The following KRT34 variants were observed in gnomAD, a reference collection of about 807,000 sequenced individuals.
The protein encoded by KRT34 is keratin 34.
KRT34 carries 31 observed loss-of-function variants against 41.7 expected under a neutral mutation model. The observed-to-expected ratio is 0.74, with a 90% CI of 0.56 to 1.00. The LOEUF (loss-of-function observed/expected upper bound fraction) is 1.00. KRT34 is among the 50% of genes least tolerant of loss of function. The pLI is 0.00. For missense variants in KRT34, 523 were observed against 500.3 expected (o/e 1.05, Z -0.43); for synonymous variants, 224 against 212.9 (o/e 1.05, Z -0.45).
In KRT34 at chr17:41,381,712, C is replaced by T. The variant is rs1442024945; in HGVS notation, c.431+1G>A. 1.2e-6 allele frequency: 2 copies of T among 1,613,926 alleles called. No homozygotes were observed. The highest frequency in any genetic ancestry group is 1.3e-5 in the African/African-American group (1 of 74,946). On this transcript the variant is annotated splice_donor_variant, in intron 2 of 6. Coordinates refer to ENST00000394001, the MANE Select transcript of KRT34 (RefSeq NM_001386014.1). LOFTEE classifies it high-confidence loss of function. Reference sequence around the variant, plus strand: ...CATAGGGACCTTGAAGTTCAACATACTTGCTTCTGAAGTCGTCAGAGGCCA... The same window carrying T: ...CATAGGGACCTTGAAGTTCAACATATTTGCTTCTGAAGTCGTCAGAGGCCA...
upstream of KRT34, among the ~76,000 whole-genome samples, chr17:41,383,805 C>T (rs545184472): frequency 2.0e-5 from 3 of 152,352 alleles, no homozygotes; most frequent in Non-Finnish European, 4.4e-5. Context: ...TGCAGATTTA[C>T]TCTGTTGTCC....
chr17:41,380,051 G>T (rs1025861114), intron 3 of KRT34, among the ~76,000 whole-genome samples: 4 of 152,188 alleles, frequency 2.6e-5, no homozygotes, highest in African/African-American at 9.6e-5. Context: ...ACGAAGTCAG[G>T]AGATCGAAAC....
In KRT34 at chr17:41,378,149, A is replaced by T. The variant is rs2017880809; in HGVS notation, c.1098-3T>A. On this transcript the variant is annotated splice_region_variant and splice_polypyrimidine_tract_variant and intron_variant, in intron 6 of 6. Coordinates refer to ENST00000394001, the MANE Select transcript of KRT34 (RefSeq NM_001386014.1). ...TGGCGCATGGGTTGCAGGGGAGCCTAGGAGGACAAGGAGGTTTAGAATGGC... is the reference window on the plus strand; with the variant it reads ...TGGCGCATGGGTTGCAGGGGAGCCTTGGAGGACAAGGAGGTTTAGAATGGC... 1 of 1,606,930 alleles carries T rather than the reference A, an allele frequency of 6.2e-7. No individual in the cohort carries two copies. Among genetic ancestry groups the T allele is most frequent in the South Asian group, 1.1e-5 (1 of 90,782 alleles).
At chr17:41,380,919 A>G (rs776307562) in intron 3 of KRT34, 137 bp downstream of exon 3, 204 of 843,308 alleles carry the variant, frequency 2.4e-4, no homozygotes, top group Non-Finnish European at 3.7e-4. Flanking sequence ...ATATGGATGT[A>G]GCACCGTCAC....
intron 5 of KRT34, 21 bp from the exon 6 acceptor site, chr17:41,379,197 A>G: frequency 6.2e-7 from 1 of 1,613,866 alleles, no homozygotes; most frequent in Non-Finnish European, 8.5e-7. Flanking sequence ...GAAGATCAGG[A>G]ATGTCAGAGA....
At chr17:41,378,906 A>G (rs2017905403) in intron 6 of KRT34, 50 bp downstream of exon 6, 3 of 1,608,592 alleles carry the variant, frequency 1.9e-6, no homozygotes, top group Non-Finnish European at 2.6e-6. Flanking sequence ...GTGTGCCTAC[A>G]ATATCCCACT....
At position 41,379,588 on chromosome 17, in the gene KRT34, C is replaced by T. The variant is rs2017933108; in HGVS notation, c.732G>A (p.Glu244=). 1.2e-6 allele frequency: 2 copies of T among 1,614,020 alleles called. No homozygotes were observed. Among genetic ancestry groups the T allele is most frequent in the Non-Finnish European group, 1.7e-6 (2 of 1,179,912 alleles). The change falls in exon 4 of 7, where the codon GAG becomes GAA. Residue 244 remains glutamate, a synonymous_variant. Coordinates refer to ENST00000394001, the MANE Select transcript of KRT34 (RefSeq NM_001386014.1). Reference sequence around the variant, plus strand: ...TGCCCACCTGCGTGGCGAACCATTGCTCCACTTCCCTGCGGTTAATTTCCA... The same window carrying T: ...TGCCCACCTGCGTGGCGAACCATTGTTCCACTTCCCTGCGGTTAATTTCCA... ...ALVEINRREV[E]QWFATQTEEL...
In KRT34 at chr17:41,378,111, C is replaced by G. The variant is rs149344143; in HGVS notation, c.1133G>C (p.Ser378Thr). ...GCCACAGGGTCCACAGGAGTTGCCACTAGCATTGGTGGTGGCGCATGGGTT... is the reference window on the plus strand; with the variant it reads ...GCCACAGGGTCCACAGGAGTTGCCAGTAGCATTGGTGGTGGCGCATGGGTT... ...PCNPCATTNASGNSCGPCGTS... is the reference protein window; with the variant it reads ...PCNPCATTNATGNSCGPCGTS... The change falls in exon 7 of 7, where the codon AGT becomes ACT. Residue 378 changes from serine (S) to threonine (T), a missense_variant. Transcript: ENST00000394001. 733 of 1,613,908 alleles carry G rather than the reference C, an allele frequency of 4.5e-4. No homozygotes were observed. Among genetic ancestry groups the G allele is most frequent in the Non-Finnish European group, 5.8e-4 (688 of 1,179,856 alleles).
intron 6 of KRT34, 32 bp downstream of exon 6, chr17:41,378,924 T>C (rs2017905696): frequency 6.2e-7 from 1 of 1,613,546 alleles, no homozygotes; most frequent in Non-Finnish European, 8.5e-7. Flanking sequence ...ACTGTACACA[T>C]TCTTCCCAGA....
At chr17:41,378,820 G>A in intron 6 of KRT34, 136 bp downstream of exon 6, 1 of 1,269,238 alleles carries the variant, frequency 7.9e-7, no homozygotes, top group South Asian at 1.4e-5. Flanking sequence ...CCTTTGCTTA[G>A]CTATCACAGA....
rs752826260 is a variant in KRT34, at chr17:41,379,670, G to A, written c.650C>T (p.Pro217Leu). The A allele has an allele frequency of 3.1e-6, 5 of 1,614,152 alleles. No homozygotes were observed. Among genetic ancestry groups the A allele is most frequent in the Non-Finnish European group, 3.4e-6 (4 of 1,179,996 alleles). The change falls in exon 4 of 7, where the codon CCC becomes CTC. Residue 217 changes from proline to leucine, a missense_variant. Transcript: ENST00000394001. ...CAGGACCTGGTTCAGGTCCACAGTG[G>A]GGGCAGTGTCCACCTCCACGTTGAG... ...DRLNVEVDTA[P>L]TVDLNQVLNE...
At position 41,378,991 on chromosome 17, in the gene KRT34, G is replaced by A; in HGVS notation, c.1062C>T (p.Asn354=). 1 of 1,614,228 alleles carries A rather than the reference G, an allele frequency of 6.2e-7. No homozygotes were observed. The highest frequency in any genetic ancestry group is 8.5e-7 in the Non-Finnish European group (1 of 1,180,048). The change falls in exon 6 of 7, where the codon AAC becomes AAT. Residue 354 remains asparagine, a synonymous_variant. Transcript: ENST00000394001. ...CACTCTCCAGGAGGCTCCGGTACGT[G>A]TTGATCTCACACTCCAGCCGGGCAC... ...DVRARLECEI[N]TYRSLLESED...
At chr17:41,380,043 G>A (rs1372041010) in intron 3 of KRT34, among the ~76,000 whole-genome samples, 2 of 152,108 alleles carry the variant, frequency 1.3e-5, no homozygotes, top group African/African-American at 2.4e-5. Context: ...GGTGGATCAC[G>A]AAGTCAGGAG....
In KRT34 at chr17:41,382,219, G is replaced by A; in HGVS notation, c.28C>T (p.Leu10=). ...GAGGAGCAGCTGGTGCGGCAGCCCA[G>A]GCTGGGCAGGCAACAACTGTAAGAC... is the stretch of plus-strand genomic sequence containing the variant. The part of the protein sequence containing the change: MSYSCCLPS[L]GCRTSCSSRP... The change falls in exon 1 of 7, where the codon CTG becomes TTG. Residue 10 remains leucine (L), a synonymous_variant. Transcript: ENST00000394001. The A allele has an allele frequency of 1.9e-6, 3 of 1,612,566 alleles. No individual in the cohort carries two copies. Among genetic ancestry groups the A allele is most frequent in the East Asian group, 4.5e-5 (2 of 44,884 alleles).
In KRT34 at chr17:41,378,028, T is replaced by C. The variant is rs1567675042; in HGVS notation, c.*31A>G. ...TTCCTGTGGTTGATCTAAATGGCTTTGTAGATGTCTTCAAAGAGGATACAA... is the reference window on the plus strand; with the variant it reads ...TTCCTGTGGTTGATCTAAATGGCTTCGTAGATGTCTTCAAAGAGGATACAA... On this transcript the variant is annotated 3_prime_UTR_variant, in exon 7 of 7. Coordinates refer to ENST00000394001, the MANE Select transcript of KRT34 (RefSeq NM_001386014.1). The C allele has an allele frequency of 6.5e-7, 1 of 1,539,450 alleles. No homozygotes were observed. Among genetic ancestry groups the C allele is most frequent in the South Asian group, 1.1e-5 (1 of 88,998 alleles).
chr17:41,378,430 C>T (rs1788799553), intron 6 of KRT34, among the ~76,000 whole-genome samples: 2 of 152,156 alleles, frequency 1.3e-5, no homozygotes, highest in African/African-American at 4.8e-5. Flanking sequence ...GTTAGGATCA[C>T]AGGCATGCGT....
rs2071599 is a variant in KRT34, at chr17:41,379,136, T to C, written c.917A>G (p.His306Arg). The C allele has an allele frequency of 0.11, 183,908 of 1,613,656 alleles. 9,728 individuals carry two copies. The highest frequency in any genetic ancestry group is 0.38 in the African/African-American group (28,432 of 74,834). The change falls in exon 6 of 7, where the codon CAC becomes CGC. Residue 306 changes from histidine to arginine, a missense_variant. His to Arg is a conservative substitution (Grantham distance 29, BLOSUM62 0). Transcript: ENST00000394001. ...CACCTGGGACAGCTGGGAGCTGTAGTGGGCCTCGCTCTCCGTCAGCGTGTT... is the reference window on the plus strand; with the variant it reads ...CACCTGGGACAGCTGGGAGCTGTAGCGGGCCTCGCTCTCCGTCAGCGTGTT... Reference protein sequence around the residue: ...LENTLTESEAHYSSQLSQVQS... With the variant: ...LENTLTESEARYSSQLSQVQS...
rs746359075 is a variant in KRT34 at position 41,379,617 on chromosome 17, G to T, written c.703C>A (p.Leu235Met). Residue 235 changes from leucine (L) to methionine (M), a missense_variant, in exon 4 of 7, where the codon CTG becomes ATG. Leu to Met is a conservative substitution (Grantham distance 15). Transcript: ENST00000394001. The stretch of plus-strand genomic sequence containing the variant: ...ACTTCCCTGCGGTTAATTTCCACCA[G>T]AGCCTCATACTGACTCCTGGTCTCG... ...LNETRSQYEA[L>M]VEINRREVEQ... is the part of the protein sequence containing the mutation. 1 of 1,614,088 alleles carries T rather than the reference G, an allele frequency of 6.2e-7. No individual in the cohort carries two copies. Among genetic ancestry groups the T allele is most frequent in the Admixed American group, 1.7e-5 (1 of 60,022 alleles).
chr17:41,381,751 A>C lies in KRT34; in HGVS notation c.393T>G (p.Ile131Met). Residue 131 changes from isoleucine to methionine, a missense_variant, in exon 2 of 7, where the codon ATT (isoleucine) becomes ATG (methionine). Physicochemically the swap from Ile to Met is conservative, Grantham distance 10. Transcript: ENST00000394001. The stretch of plus-strand genomic sequence containing the variant: ...CGTCAGAGGCCAGCTTGGCATTGTC[A>C]ATGTTCACCACCAGCCTGGCATTCT... The part of the protein sequence containing the change: ...KAENARLVVN[I>M]DNAKLASDDF... The C allele has an allele frequency of 3.7e-6, 6 of 1,614,232 alleles. No individual in the cohort carries two copies. The highest frequency in any genetic ancestry group is 5.1e-6 in the Non-Finnish European group (6 of 1,180,038).
Sources: gnomAD v4.1 joint callset for allele counts (sites outside exome capture counted in the v4.1 genomes callset) on GRCh38, gnomAD v4.1.1 for gene constraint, MANE v1.5 for transcripts, NCBI Gene and HGNC (gene_info 2026-07-23, HGNC 2026-07-21) for gene names.